SMAD4: variants seen among roughly 807,000 people sequenced by gnomAD.
The protein encoded by SMAD4 is SMAD family member 4.
A neutral mutation model predicts 63.2 loss-of-function variants in SMAD4; 7 were observed. The ratio of observed to expected loss-of-function variants is 0.11; its 90% CI spans 0.06 to 0.21. SMAD4 has a LOEUF of 0.21. SMAD4 is among the 10% of genes least tolerant of loss of function. The pLI, the probability that SMAD4 is intolerant of heterozygous loss-of-function variation, is 1.00. For synonymous variants in SMAD4, 215 were observed against 235.4 expected (o/e 0.91, Z 0.79); for missense variants, 312 against 693.8 (o/e 0.45, Z 6.18).
intron 3 of SMAD4, 120 bp from the exon 4 acceptor site, chr18:51,049,175 T>G (rs1239167977): frequency 6.5e-6 from 5 of 773,070 alleles, no homozygotes; most frequent in Non-Finnish European, 1.1e-5. Flanking sequence ...ACTTCTGAAT[T>G]GAAATGGTTC....
chr18:51,059,803 A>G, intron 7 of SMAD4, 63 bp from the exon 8 acceptor site: 3 of 1,224,708 alleles, frequency 2.4e-6, no homozygotes, highest in Admixed American at 3.4e-5. Flanking sequence ...AGATTTACTG[A>G]AAGTTTTAGC....
intron 2 of SMAD4, 117 bp downstream of exon 2, chr18:51,047,412 G>C (rs1222526316): frequency 5.7e-6 from 5 of 881,810 alleles, no homozygotes; most frequent in Non-Finnish European, 9.5e-6. Context: ...TTCAGATACT[G>C]TGCATCCTGT....
At chr18:51,063,538 G>A (rs902598956) in intron 8 of SMAD4, among the ~76,000 whole-genome samples, 7 of 152,044 alleles carry the variant, frequency 4.6e-5, no homozygotes, top group South Asian at 4.1e-4. Flanking sequence ...TCAGCCTCCC[G>A]TGTAGCTGGG....
At chr18:51,033,108 A>T (rs1461003331) in intron 1 of SMAD4, among the ~76,000 whole-genome samples, 1 of 151,998 alleles carries the variant, frequency 6.6e-6, no homozygotes, top group African/African-American at 2.4e-5. Flanking sequence ...GTGACCATTA[A>T]TCGCGTATAA....
At chr18:51,045,535 GTTTTTGTTA>G (rs1909518381) in intron 1 of SMAD4, among the ~76,000 whole-genome samples, 1 of 151,984 alleles carries the variant, frequency 6.6e-6, no homozygotes, top group African/African-American at 2.4e-5. Flanking sequence ...TTAATCTTCA[GTTTTTGTTA>G]TTTTAATTTT....
At chr18:51,059,448 A>G (rs1427741473) in intron 7 of SMAD4, among the ~76,000 whole-genome samples, 2 of 152,238 alleles carry the variant, frequency 1.3e-5, no homozygotes, top group Admixed American at 1.3e-4. Context: ...CCAGTTTTCA[A>G]TTATGTTAGC....
At chr18:51,056,537 G>A (rs917942380) in intron 5 of SMAD4, among the ~76,000 whole-genome samples, 27 of 150,204 alleles carry the variant, frequency 1.8e-4, no homozygotes, top group South Asian at 1.1e-3. Context: ...GAGAAATGGC[G>A]TGAACCCGGG....
chr18:51,032,996 A>G (rs972112421), intron 1 of SMAD4, among the ~76,000 whole-genome samples: 2 of 151,762 alleles, frequency 1.3e-5, no homozygotes, highest in Non-Finnish European at 2.9e-5. Context: ...TGGTCATTAT[A>G]TATGTTTGGA....
In SMAD4 at chr18:51,083,661, CA is replaced by C. The variant is rs1366681513; in HGVS notation, c.*5197del. 4.4e-6 allele frequency: 1 copy of C among 227,678 alleles called. No homozygotes were observed. The highest frequency in any genetic ancestry group is 8.7e-6 in the Non-Finnish European group (1 of 114,666). The allele number at this position is 227,678 out of a possible 1,614,324, so 14.1% of individuals were successfully genotyped here. On this transcript the variant is annotated 3_prime_UTR_variant, in exon 12 of 12. Transcript: ENST00000342988. ...GCACTCTCTAGTTTGCCCTCTGCCA[CA>C]AATTTGATGTGTGACCTTTGGGCAA...
Position 51,082,980 on chromosome 18 carries a change from T to A in SMAD4, c.*4513T>A, listed in dbSNP as rs1230789637. On this transcript the variant is annotated 3_prime_UTR_variant, in exon 12 of 12. Transcript: ENST00000342988. ...AGTGCTGAAAAAGACCTCATTGTATTGGCATTTGATATCAGTTTGATGTAG... is the reference window on the plus strand; with the variant it reads ...AGTGCTGAAAAAGACCTCATTGTATAGGCATTTGATATCAGTTTGATGTAG... The A allele has an allele frequency of 4.4e-6, 1 of 226,198 alleles. No individual in the cohort carries two copies. Among genetic ancestry groups the A allele is most frequent in the African/African-American group, 2.2e-5 (1 of 44,976 alleles). The allele number at this position is 226,198 out of a possible 1,614,324, so 14.0% of individuals were successfully genotyped here.
intron 10 of SMAD4, among the ~76,000 whole-genome samples, chr18:51,068,007 T>C (rs992817802): frequency 7.2e-5 from 11 of 152,216 alleles, no homozygotes; most frequent in African/African-American, 2.7e-4. Flanking sequence ...AATATATTTT[T>C]AATTGTGTGT....
At chr18:51,059,791 TA>T in intron 7 of SMAD4, 74 bp from the exon 8 acceptor site, 1 of 1,079,300 alleles carries the variant, frequency 9.3e-7, no homozygotes, top group Non-Finnish European at 1.4e-6. Flanking sequence ...TATATTTAAG[TA>T]AGATTTACTG....
intron 8 of SMAD4, among the ~76,000 whole-genome samples, chr18:51,062,540 AC>A (rs1910041038): frequency 6.6e-6 from 1 of 151,866 alleles, no homozygotes; most frequent in South Asian, 2.1e-4. Flanking sequence ...TTGTTCTGTC[AC>A]CCAGGCTAGA....
intron 7 of SMAD4, 84 bp downstream of exon 7, chr18:51,058,540 C>A: frequency 1.1e-6 from 1 of 876,594 alleles, no homozygotes; most frequent in Non-Finnish European, 1.8e-6. Context: ...AATGTTTTTA[C>A]ATCTTTTATT....
chr18:51,078,606 G>T lies in SMAD4; in HGVS notation c.*139G>T. 1.5e-6 allele frequency: 1 copy of T among 678,210 alleles called. No homozygotes were observed. 42.0% of individuals were successfully genotyped at this position (678,210 alleles called of 1,614,324 possible). A position where few individuals can be genotyped will look rare whatever the true frequency, so the allele number is the denominator to read the frequency against. On this transcript the variant is annotated 3_prime_UTR_variant, in exon 12 of 12. Transcript: ENST00000342988. ...GGGTTGAAAATGTGTTTGCTGCCTTGCTCCTAGCAGACAGAAACTGGATTA... is the reference window on the plus strand; with the variant it reads ...GGGTTGAAAATGTGTTTGCTGCCTTTCTCCTAGCAGACAGAAACTGGATTA...
At chr18:51,030,914 T>C (rs1046898680) in intron 1 of SMAD4, among the ~76,000 whole-genome samples, 3 of 152,136 alleles carry the variant, frequency 2.0e-5, no homozygotes, top group African/African-American at 7.2e-5. Context: ...CCGCTCCTCT[T>C]TGTTGTTCTC....
chr18:51,043,441 C>T (rs1909447926), intron 1 of SMAD4, among the ~76,000 whole-genome samples: 1 of 152,126 alleles, frequency 6.6e-6, no homozygotes, highest in African/African-American at 2.4e-5. Flanking sequence ...GCGGCTAGAC[C>T]TTTAATTAGA....
intron 5 of SMAD4, among the ~76,000 whole-genome samples, chr18:51,057,712 T>C (rs914688963): frequency 6.6e-6 from 1 of 152,204 alleles, no homozygotes; most frequent in Non-Finnish European, 1.5e-5. Flanking sequence ...TGATTAATTT[T>C]TCAGTTTTCA....
chr18:51,042,312 CCTCCCTCCCTCCCTCCCTCT>C (rs1568201630), intron 1 of SMAD4, among the ~76,000 whole-genome samples: 5 of 131,070 alleles, frequency 3.8e-5, no homozygotes, highest in African/African-American at 2.9e-5. Flanking sequence ...TCCCTCCCTC[CCTCCCTCCCTCCCTCCCTCT>C]CTCCCTCTCT....
Sources: allele counts gnomAD v4.1 joint callset (sites outside exome capture counted in the v4.1 genomes callset), GRCh38; gene constraint gnomAD v4.1.1; transcripts MANE v1.5; gene names NCBI Gene and HGNC (gene_info 2026-07-23, HGNC 2026-07-21).